Variants in EVI5 observed in about 807,000 individuals in gnomAD.
EVI5 encodes ecotropic viral integration site 5.
EVI5 carries 73 observed loss-of-function variants against 112.0 expected under a neutral mutation model. The observed-to-expected ratio is 0.65, with a 90% confidence interval of 0.54 to 0.79. EVI5 has a LOEUF of 0.79. Among genes scored for constraint, EVI5 ranks in the 30% least tolerant of loss-of-function variants. The pLI is 0.00. For missense variants in EVI5, 900 were observed against 968.8 expected (o/e 0.93, Z 0.94); for synonymous variants, 305 against 319.9 (o/e 0.95, Z 0.50).
intron 19 of EVI5, among the ~76,000 whole-genome samples, chr1:92,541,064 ACT>A (rs1165204458): frequency 1.3e-5 from 2 of 152,092 alleles, no homozygotes; most frequent in African/African-American, 2.4e-5. Context: ...ACAGAGAAAG[ACT>A]CTGTCTCAAA....
chr1:92,590,319 G>A (rs934090772), intron 18 of EVI5, among the ~76,000 whole-genome samples: 7 of 152,150 alleles, frequency 4.6e-5, no homozygotes, highest in African/African-American at 1.7e-4. Context: ...ACTACTCCGA[G>A]CTAAAGGAGG....
intron 19 of EVI5, among the ~76,000 whole-genome samples, chr1:92,556,607 T>C (rs1667720672): frequency 6.6e-6 from 1 of 152,190 alleles, no homozygotes; most frequent in Admixed American, 6.5e-5. Flanking sequence ...GAGGACTTAA[T>C]GTATTGTCAT....
intron 13 of EVI5, among the ~76,000 whole-genome samples, chr1:92,652,525 C>T (rs1254501262): frequency 2.0e-5 from 3 of 152,098 alleles, no homozygotes; most frequent in Non-Finnish European, 4.4e-5. Flanking sequence ...AAAATCAGAT[C>T]CAACAATCCC....
intron 18 of EVI5, among the ~76,000 whole-genome samples, chr1:92,599,074 T>C (rs558247361): frequency 6.6e-6 from 1 of 151,790 alleles, no homozygotes; most frequent in East Asian, 1.9e-4. Context: ...TATATAAATA[T>C]ACTATATATC....
chr1:92,704,471 G>C, intron 3 of EVI5, 84 bp downstream of exon 3: 1 of 782,584 alleles, frequency 1.3e-6, no homozygotes, highest in African/African-American at 1.7e-5. Flanking sequence ...AGTTGTATTT[G>C]GGGTTTTTTT....
At chr1:92,783,105 G>T (rs1685075320) in intron 1 of EVI5, among the ~76,000 whole-genome samples, 1 of 152,210 alleles carries the variant, frequency 6.6e-6, no homozygotes, top group Non-Finnish European at 1.5e-5. Flanking sequence ...ACATGCGTGA[G>T]CCACCGCACC....
At chr1:92,688,038 T>C (rs1359494761) in intron 9 of EVI5, among the ~76,000 whole-genome samples, 2 of 152,186 alleles carry the variant, frequency 1.3e-5, no homozygotes, top group African/African-American at 2.4e-5. Context: ...ACTGGGTATA[T>C]ACCCAAAGGA....
intron 6 of EVI5, 128 bp from the exon 7 acceptor site, chr1:92,695,581 T>C (rs1047842864): frequency 2.3e-5 from 12 of 514,408 alleles, no homozygotes; most frequent in African/African-American, 5.9e-5. Context: ...AGGTAAGACA[T>C]AGACATTGAA....
At chr1:92,543,673 A>G (rs1665207494) in intron 19 of EVI5, among the ~76,000 whole-genome samples, 1 of 152,242 alleles carries the variant, frequency 6.6e-6, no homozygotes, top group East Asian at 1.9e-4. Context: ...GCTTTTGACT[A>G]TATGAGTGCA....
chr1:92,706,014 AG>A (rs755361589), intron 2 of EVI5, among the ~76,000 whole-genome samples: 5 of 152,170 alleles, frequency 3.3e-5, no homozygotes, highest in Non-Finnish European at 4.4e-5. Flanking sequence ...TCCAAATTCC[AG>A]GTATGTCATT....
intron 18 of EVI5, among the ~76,000 whole-genome samples, chr1:92,600,730 C>T (rs1482908126): frequency 6.6e-6 from 1 of 152,192 alleles, no homozygotes; most frequent in Non-Finnish European, 1.5e-5. Flanking sequence ...TGCCACTGAT[C>T]TGACAGGAGG....
chr1:92,589,302 C>T (rs1019251456), intron 18 of EVI5, among the ~76,000 whole-genome samples: 4 of 152,160 alleles, frequency 2.6e-5, no homozygotes, highest in Non-Finnish European at 4.4e-5. Context: ...GAGCGTGAGC[C>T]GAAGTAGGAC....
At chr1:92,758,601 A>G (rs1020505668) in intron 1 of EVI5, among the ~76,000 whole-genome samples, 1 of 152,018 alleles carries the variant, frequency 6.6e-6, no homozygotes, top group Admixed American at 6.6e-5. Context: ...GGTTAAGACA[A>G]CAATCAGGCA....
At position 92,630,900 on chromosome 1, in the gene EVI5, T is replaced by C. The variant is rs569343675; in HGVS notation, c.1528-4966A>G. Among the ~76,000 whole-genome samples, 699 of 151,988 alleles carry C rather than the reference T, an allele frequency of 4.6e-3. 3 individuals are homozygous for C. The highest frequency in any genetic ancestry group is 0.016 in the African/African-American group (678 of 41,534). Reference sequence around the variant, plus strand: ...CTTTCTATATATGGCTAGCCAGTTTTCCCAGCACCATTTATTAAATAGGGA... The same window carrying C: ...CTTTCTATATATGGCTAGCCAGTTTCCCCAGCACCATTTATTAAATAGGGA... On this transcript the variant is annotated intron_variant, in intron 14 of 19. Coordinates refer to ENST00000684568, the MANE Select transcript of EVI5 (RefSeq NM_001350197.2).
At chr1:92,530,475 CCT>C (rs1662679132) in intron 19 of EVI5, among the ~76,000 whole-genome samples, 1 of 152,090 alleles carries the variant, frequency 6.6e-6, no homozygotes, top group Non-Finnish European at 1.5e-5. Context: ...GTTCCTGACC[CCT>C]GTGTGTCCTG....
chr1:92,569,521 G>A (rs369514519), intron 18 of EVI5, among the ~76,000 whole-genome samples: 2 of 152,060 alleles, frequency 1.3e-5, no homozygotes, highest in South Asian at 2.1e-4. Flanking sequence ...ATTTACATGC[G>A]CTTATGTCTG....
At chr1:92,536,239 G>C (rs1004353168) in intron 19 of EVI5, among the ~76,000 whole-genome samples, 1 of 152,110 alleles carries the variant, frequency 6.6e-6, no homozygotes. Flanking sequence ...TCGGATTTTA[G>C]AATTTCTCTG....
Position 92,710,086 on chromosome 1 carries a change from C to CAAAAAAAAAAAAAA in EVI5, c.150-5356_150-5343dup, listed in dbSNP as rs71091297. Among the ~76,000 whole-genome samples, 58 of 82,802 alleles carry CAAAAAAAAAAAAAA rather than the reference C, an allele frequency of 7.0e-4. 4 individuals are homozygous for CAAAAAAAAAAAAAA. The highest frequency in any genetic ancestry group is 1.4e-3 in the East Asian group (3 of 2,218). 54.3% of individuals were successfully genotyped at this position (82,802 alleles called of 152,430 possible). ...TGCCTTACATGGATTTATTGCAAAG[C>CAAAAAAAAAAAAAA]AAAAAAAAAAAAAAGGGAGGCCGAG... On this transcript the variant is annotated intron_variant, in intron 2 of 19. Coordinates refer to ENST00000684568, the MANE Select transcript of EVI5 (RefSeq NM_001350197.2).
At chr1:92,627,858 C>T (rs7541337) in intron 14 of EVI5, among the ~76,000 whole-genome samples, 1,939 of 151,986 alleles carry the variant, frequency 0.013, 44 homozygotes, top group African/African-American at 0.043. Context: ...GGCACAATCT[C>T]GGCTCACTGC....
Sources: allele counts gnomAD v4.1 joint callset (sites outside exome capture counted in the v4.1 genomes callset), GRCh38; gene constraint gnomAD v4.1.1; transcripts MANE v1.5; gene names NCBI Gene and HGNC (gene_info 2026-07-23, HGNC 2026-07-21).